The following AFG2A variants were observed in gnomAD, a reference collection of about 807,000 sequenced individuals.
The protein encoded by AFG2A is ATPase family gene 2 protein homolog A.
At chr4:123,044,109 T>G in the AFG2A span, among the ~76,000 whole-genome samples, 4 of 120,140 alleles carry the variant, frequency 3.3e-5, no homozygotes, top group Middle Eastern at 3.8e-3. Context: ...CGTCAAAATC[T>G]TGATCCCACT....
the AFG2A span, among the ~76,000 whole-genome samples, chr4:123,184,115 A>T: frequency 2.6e-5 from 4 of 152,036 alleles, no homozygotes; most frequent in East Asian, 5.8e-4. Flanking sequence ...TTTTTTTTTT[A>T]AACTAAAGCC....
At chr4:123,301,737 C>T in the AFG2A span, among the ~76,000 whole-genome samples, 1 of 152,164 alleles carries the variant, frequency 6.6e-6, no homozygotes, top group African/African-American at 2.4e-5. Context: ...TTTTTTCCCC[C>T]TGTTTAACAC....
At chr4:123,041,532 G>C in the AFG2A span, among the ~76,000 whole-genome samples, 1 of 151,360 alleles carries the variant, frequency 6.6e-6, no homozygotes, top group South Asian at 2.1e-4. Flanking sequence ...TTGTTTGTTT[G>C]TTTTTGTTGT....
the AFG2A span, among the ~76,000 whole-genome samples, chr4:123,057,965 T>G: frequency 1.3e-5 from 2 of 152,206 alleles, no homozygotes; most frequent in Non-Finnish European, 2.9e-5. Context: ...GTATATTGAT[T>G]ATAAAATTTT....
the AFG2A span, among the ~76,000 whole-genome samples, chr4:123,205,408 A>G: frequency 6.6e-6 from 1 of 152,146 alleles, no homozygotes; most frequent in South Asian, 2.1e-4. Flanking sequence ...CAGGTTTCAA[A>G]TCCGTGGATT....
the AFG2A span, among the ~76,000 whole-genome samples, chr4:123,035,268 A>G: frequency 6.6e-6 from 1 of 152,004 alleles, no homozygotes; most frequent in Non-Finnish European, 1.5e-5. Flanking sequence ...CCTTTTGTGG[A>G]TCCTAAGTCT....
chr4:123,209,419 A>AT, the AFG2A span, among the ~76,000 whole-genome samples: 4 of 151,012 alleles, frequency 2.6e-5, no homozygotes, highest in African/African-American at 4.9e-5. Flanking sequence ...AGGGAAAAAA[A>AT]TTTTTTTTTC....
chr4:123,090,719 C>T, the AFG2A span: 1 of 1,600,196 alleles, frequency 6.2e-7, no homozygotes, highest in East Asian at 2.2e-5. Flanking sequence ...AGAGAGAAGG[C>T]ATTGTGGATA....
chr4:123,298,110 C>CAA, the AFG2A span, among the ~76,000 whole-genome samples: 1 of 73,340 alleles, frequency 1.4e-5, no homozygotes, highest in Admixed American at 1.6e-4. Flanking sequence ...CGTGCATACA[C>CAA]ATACACACAC....
At chr4:123,048,466 A>T in the AFG2A span, among the ~76,000 whole-genome samples, 1 of 152,158 alleles carries the variant, frequency 6.6e-6, no homozygotes, top group Non-Finnish European at 1.5e-5. Context: ...AGACATTTTA[A>T]CAATACTTAT....
the AFG2A span, among the ~76,000 whole-genome samples, chr4:122,950,410 G>A: frequency 6.6e-6 from 1 of 151,874 alleles, no homozygotes; most frequent in Non-Finnish European, 1.5e-5. Flanking sequence ...CGCGATCTCG[G>A]CTCACTGCAA....
the AFG2A span, among the ~76,000 whole-genome samples, chr4:123,136,086 C>G: frequency 6.6e-6 from 1 of 152,166 alleles, no homozygotes; most frequent in African/African-American, 2.4e-5. Context: ...AACTCAGTGT[C>G]TTTAACTAAT....
At chr4:122,923,850 A>G in the AFG2A span, among the ~76,000 whole-genome samples, 2 of 152,160 alleles carry the variant, frequency 1.3e-5, no homozygotes, top group East Asian at 3.9e-4. Context: ...AGTTTTATAG[A>G]GGGAGGAAAG....
chr4:123,137,499 C>T, the AFG2A span, among the ~76,000 whole-genome samples: 1 of 152,200 alleles, frequency 6.6e-6, no homozygotes, highest in Admixed American at 6.5e-5. Flanking sequence ...ATCTAACTTC[C>T]TCAGATTTTA....
At chr4:123,228,127 T>C in the AFG2A span, among the ~76,000 whole-genome samples, 4,878 of 152,158 alleles carry the variant, frequency 0.032, 270 homozygotes, top group African/African-American at 0.11. Flanking sequence ...GATTTTGAGA[T>C]GAGTTTCCTG....
At chr4:123,255,916 G>T in the AFG2A span, 1 of 1,340,420 alleles carries the variant, frequency 7.5e-7, no homozygotes, top group Non-Finnish European at 1.0e-6. Context: ...GAATAATAGT[G>T]GATTGTTCGT....
chr4:123,075,199 C>T, the AFG2A span, among the ~76,000 whole-genome samples: 5 of 152,026 alleles, frequency 3.3e-5, no homozygotes, highest in Non-Finnish European at 7.4e-5. Flanking sequence ...CCACCTTAGC[C>T]TCCCAAAGTG....
chr4:123,084,270 GT>G, the AFG2A span, among the ~76,000 whole-genome samples: 1 of 151,384 alleles, frequency 6.6e-6, no homozygotes, highest in African/African-American at 2.4e-5. Flanking sequence ...TAGTTTCATT[GT>G]TTTTTTCTCT....
the AFG2A span, among the ~76,000 whole-genome samples, chr4:123,134,884 G>A: frequency 6.6e-6 from 1 of 152,032 alleles, no homozygotes; most frequent in Non-Finnish European, 1.5e-5. Context: ...AATTGAAGAG[G>A]AGGGAATACC....
Sources: gnomAD v4.1 joint callset for allele counts (sites outside exome capture counted in the v4.1 genomes callset) on GRCh38, gnomAD v4.1.1 for gene constraint, MANE v1.5 for transcripts, NCBI Gene and HGNC (gene_info 2026-07-23, HGNC 2026-07-21) for gene names.